Variants in BMS1 observed in about 807,000 individuals in gnomAD.
The protein encoded by BMS1 is BMS1 ribosome biogenesis factor.
In BMS1, 53 loss-of-function variants were observed where a neutral mutation model predicts 138.7. The observed-to-expected ratio is 0.38, with a 90% CI of 0.31 to 0.48. BMS1 has a LOEUF of 0.48. BMS1 is among the 20% of genes least tolerant of loss of function. The pLI is 0.97. For synonymous variants in BMS1, 504 were observed against 539.9 expected (o/e 0.93, Z 0.92); for missense variants, 1,360 against 1,565.5 (o/e 0.87, Z 2.22).
chr10:42,801,189 T>C (rs1328979265), intron 12 of BMS1, among the ~76,000 whole-genome samples: 1 of 152,230 alleles, frequency 6.6e-6, no homozygotes, highest in African/African-American at 2.4e-5. Context: ...CTAGGCCTTC[T>C]CAGTGACCTG....
chr10:42,782,825 G>C lies in BMS1; in HGVS notation c.-39G>C, dbSNP rs544766643. The C allele has an allele frequency of 6.5e-6, 1 of 153,456 alleles. No homozygotes were observed. The highest frequency in any genetic ancestry group is 6.5e-5 in the Admixed American group (1 of 15,290). The allele number at this position is 153,456 out of a possible 1,614,324, so 9.5% of individuals were successfully genotyped here. A position where few individuals can be genotyped will look rare whatever the true frequency, so the allele number is the denominator to read the frequency against. ...TGCTGACCTGAGGAGTCGCGGCTGC[G>C]AGCAGGTTCGGTGCTGCGGGTTGGG... is the stretch of plus-strand genomic sequence containing the variant. On this transcript the variant is annotated 5_prime_UTR_variant, in exon 1 of 23. Transcript: ENST00000374518.
chr10:42,804,315 G>C (rs1841954130), intron 13 of BMS1, among the ~76,000 whole-genome samples: 1 of 152,148 alleles, frequency 6.6e-6, no homozygotes, highest in Non-Finnish European at 1.5e-5. Flanking sequence ...TTACCCAACT[G>C]TTTTCCAAAG....
rs1842842292 is a variant in BMS1 at position 42,834,329 on chromosome 10, AGCAAAGAGGAAAGCCACC to A, written c.*3235_*3252del. On this transcript the variant is annotated 3_prime_UTR_variant, in exon 23 of 23. Coordinates refer to ENST00000374518, the MANE Select transcript of BMS1 (RefSeq NM_014753.4). ...CCGCCATTTCAGAAATAAATGTTTGAGCAAAGAGGAAAGCCACCGGGTCTGATTCAGCTCTCTGGAGGC... is the reference window on the plus strand; with the variant it reads ...CCGCCATTTCAGAAATAAATGTTTGAGGGTCTGATTCAGCTCTCTGGAGGC... 6.6e-6 allele frequency: 1 copy of A among 152,032 alleles called. No individual in the cohort carries two copies. Among genetic ancestry groups the A allele is most frequent in the African/African-American group, 2.4e-5 (1 of 41,384 alleles). 9.4% of individuals were successfully genotyped at this position (152,032 alleles called of 1,614,324 possible). A position where few individuals can be genotyped will look rare whatever the true frequency, so the allele number is the denominator to read the frequency against.
chr10:42,829,500 T>C (rs1842744060), intron 21 of BMS1, among the ~76,000 whole-genome samples: 1 of 152,120 alleles, frequency 6.6e-6, no homozygotes, highest in Non-Finnish European at 1.5e-5. Flanking sequence ...TGGCTGCTGA[T>C]TGAAGGAAGA....
At chr10:42,819,973 G>T (rs1372094911) in intron 15 of BMS1, among the ~76,000 whole-genome samples, 1 of 152,086 alleles carries the variant, frequency 6.6e-6, no homozygotes, top group Non-Finnish European at 1.5e-5. Context: ...GGTATTTTTA[G>T]TAGAGACGGG....
chr10:42,794,082 G>A (rs1841598113), intron 9 of BMS1, 91 bp downstream of exon 9: 28 of 1,420,950 alleles, frequency 2.0e-5, no homozygotes, highest in Non-Finnish European at 2.7e-5. Context: ...CATTTCGGTG[G>A]GATTCATTCT....
In BMS1 at chr10:42,796,827, A is replaced by G. The variant is rs1841700642; in HGVS notation, c.1583A>G (p.Glu528Gly). ...GAAGCTGATGAAAGCAGTGAAGAAG[A>G]GGACTGCACTGCAGGAGAGAAGGGC... The part of the protein sequence containing the change: ...AEEADESSEE[E>G]DCTAGEKGIS... The change falls in exon 10 of 23, where the codon GAG becomes GGG. Residue 528 changes from glutamate (E) to glycine (G), a missense_variant. Physicochemically the swap from Glu to Gly is moderately conservative, Grantham distance 98 (BLOSUM62 -2). Transcript: ENST00000374518. 1 of 1,614,236 alleles carries G rather than the reference A, an allele frequency of 6.2e-7. No individual in the cohort carries two copies. The highest frequency in any genetic ancestry group is 1.3e-5 in the African/African-American group (1 of 75,062).
Position 42,832,544 on chromosome 10 carries a change from T to C in BMS1, c.*1448T>C, listed in dbSNP as rs1343321882. 6.6e-6 allele frequency: 1 copy of C among 152,256 alleles called. No individual in the cohort carries two copies. Among genetic ancestry groups the C allele is most frequent in the Non-Finnish European group, 1.5e-5 (1 of 68,062 alleles). 9.4% of individuals were successfully genotyped at this position (152,256 alleles called of 1,614,324 possible). On this transcript the variant is annotated 3_prime_UTR_variant, in exon 23 of 23. Coordinates refer to ENST00000374518, the MANE Select transcript of BMS1 (RefSeq NM_014753.4). Reference sequence around the variant, plus strand: ...AGTTATAGTATGTGTGCTGCTGATATGAGTGCCACATTGCCTTTACAACAT... The same window carrying C: ...AGTTATAGTATGTGTGCTGCTGATACGAGTGCCACATTGCCTTTACAACAT...
At chr10:42,820,722 A>G (rs3982211) in intron 17 of BMS1, 34 bp downstream of exon 17, 669,296 of 1,597,036 alleles carry the variant, frequency 0.42, 144,811 homozygotes, top group African/African-American at 0.6. Flanking sequence ...GCCTGTTGCC[A>G]AGATTAAACC....
intron 6 of BMS1, 49 bp from the exon 7 acceptor site, chr10:42,792,444 T>C: frequency 1.2e-6 from 2 of 1,601,568 alleles, no homozygotes; most frequent in Non-Finnish European, 1.7e-6. Context: ...AAAGGAGGTA[T>C]AGGAACTTTT....
chr10:42,809,412 TTC>T (rs1363972409), intron 13 of BMS1, among the ~76,000 whole-genome samples: 1 of 128,112 alleles, frequency 7.8e-6, no homozygotes, highest in Admixed American at 8.0e-5. Flanking sequence ...TGGCTTTTCC[TTC>T]TTTTTTTTTT....
At chr10:42,828,666 T>C (rs1376327367) in intron 21 of BMS1, among the ~76,000 whole-genome samples, 3 of 152,164 alleles carry the variant, frequency 2.0e-5, no homozygotes, top group Non-Finnish European at 4.4e-5. Context: ...TGTGTTTTCA[T>C]TTAGATTTTG....
rs188270489 is a variant in BMS1, at chr10:42,800,619, C to T, written c.2248-1518C>T. Among the ~76,000 whole-genome samples, 356 of 151,470 alleles carry T rather than the reference C, an allele frequency of 2.4e-3. 3 individuals carry two copies. Among genetic ancestry groups the T allele is most frequent in the African/African-American group, 8.2e-3 (338 of 41,206 alleles). On this transcript the variant is annotated intron_variant, in intron 12 of 22. Transcript: ENST00000374518. ...TCAGCTCACTGCAAGCTCTGCCTCC[C>T]GGGTTCATGCCATTCTCCTGCCTCA...
At position 42,791,575 on chromosome 10, in the gene BMS1, A is replaced by G. The variant is rs149588668; in HGVS notation, c.637-52A>G. ...TTTAGAGCTTTTATTTTGTTGCAGT[A>G]TTGATGATAATTTAATTGAAATTTA... On this transcript the variant is annotated intron_variant, in intron 5 of 22. Transcript: ENST00000374518. The G allele has an allele frequency of 7.5e-3, 11,253 of 1,509,378 alleles. 60 individuals are homozygous for G. Among genetic ancestry groups the G allele is most frequent in the Middle Eastern group, 0.022 (90 of 4,100 alleles). The allele number at this position is 1,509,378 out of a possible 1,614,324, so 93.5% of individuals were successfully genotyped here.
intron 13 of BMS1, among the ~76,000 whole-genome samples, chr10:42,811,227 G>T (rs1842165887): frequency 6.6e-6 from 1 of 151,906 alleles, no homozygotes; most frequent in Non-Finnish European, 1.5e-5. Flanking sequence ...ATTTTTAGTA[G>T]AGACAGGGTT....
At chr10:42,789,592 GT>G (rs11337884) in intron 4 of BMS1, among the ~76,000 whole-genome samples, 70,726 of 147,964 alleles carry the variant, frequency 0.48, 17,269 homozygotes, top group East Asian at 0.64. Context: ...TAATCTTACT[GT>G]TTTTTTTTTT....
rs781048088 is a variant in BMS1 at position 42,797,179 on chromosome 10, C to A, written c.1935C>A (p.Leu645=). Residue 645 remains leucine (L), a synonymous_variant, in exon 10 of 23, where the codon CTC becomes CTA. Coordinates refer to ENST00000374518, the MANE Select transcript of BMS1 (RefSeq NM_014753.4). ...AGACCAGTGATATAGAAAATTTACT[C>A]AAAGAGGAAGAAGATTACAAGGAAG... ...IDETSDIENL[L]KEEEDYKEEN... 1 of 1,612,038 alleles carries A rather than the reference C, an allele frequency of 6.2e-7. No individual in the cohort carries two copies. Among genetic ancestry groups the A allele is most frequent in the Non-Finnish European group, 8.5e-7 (1 of 1,179,384 alleles).
intron 21 of BMS1, among the ~76,000 whole-genome samples, chr10:42,828,923 T>C (rs985661266): frequency 1.3e-5 from 2 of 152,204 alleles, no homozygotes; most frequent in Non-Finnish European, 2.9e-5. Context: ...CATTCTACTC[T>C]TTTGTAACAA....
rs762489474 is a variant in BMS1, at chr10:42,784,573, A to G, written c.176+3A>G. Reference sequence around the variant, plus strand: ...CGGATGGCTCGATCCTTTCACAGGTATGTTAGGCTACGGTCTGGTCATTCT... The same window carrying G: ...CGGATGGCTCGATCCTTTCACAGGTGTGTTAGGCTACGGTCTGGTCATTCT... On this transcript the variant is annotated splice_donor_region_variant and intron_variant, in intron 2 of 22. Transcript: ENST00000374518. 4.4e-6 allele frequency: 7 copies of G among 1,605,936 alleles called. No individual in the cohort carries two copies. Among genetic ancestry groups the G allele is most frequent in the South Asian group, 1.1e-5 (1 of 89,418 alleles).
Sources: allele counts gnomAD v4.1 joint callset (sites outside exome capture counted in the v4.1 genomes callset), GRCh38; gene constraint gnomAD v4.1.1; transcripts MANE v1.5; gene names NCBI Gene and HGNC (gene_info 2026-07-23, HGNC 2026-07-21).